The following CELF2 variants were observed in gnomAD, a reference collection of about 807,000 sequenced individuals.
The protein encoded by CELF2 is CUG triplet repeat RNA-binding protein 2.
In CELF2, 8 loss-of-function variants were observed where a neutral mutation model predicts 62.6. That is an observed-to-expected ratio of 0.13 (90% CI 0.07 to 0.23). The LOEUF (loss-of-function observed/expected upper bound fraction) is 0.23, where lower values mean the gene tolerates loss of function less well. CELF2 is among the 10% of genes least tolerant of loss of function. CELF2 has a pLI of 1.00. For missense variants in CELF2, 333 were observed against 671.0 expected (o/e 0.50, Z 5.56); for synonymous variants, 258 against 250.0 (o/e 1.03, Z -0.30).
chr10:11,191,087 G>A lies in CELF2; in HGVS notation c.271+25405G>A, dbSNP rs987817588. On this transcript the variant is annotated intron_variant, in intron 2 of 12. Coordinates refer to ENST00000633077, the MANE Select transcript of CELF2 (RefSeq NM_001326342.2). The surrounding 1 kb of genome is among the most constrained non-coding windows in gnomAD (Gnocchi z 4.1). ...TTAGGGTTTAAATCCAGTTCCCTGA[G>A]GTTGGGCAAGCTGCTGGTCCTCTCT... 7.9e-5 allele frequency among the ~76,000 whole-genome samples: 12 copies of A among 152,202 alleles called. No homozygotes were observed. The highest frequency in any genetic ancestry group is 7.2e-4 in the Admixed American group (11 of 15,286).
intron 1 of CELF2, among the ~76,000 whole-genome samples, chr10:10,904,643 G>C (rs950500990): frequency 2.0e-5 from 3 of 152,176 alleles, no homozygotes; most frequent in Non-Finnish European, 2.9e-5. Context: ...TGGGCATGCA[G>C]GTTGTTTCTG....
At position 11,159,318 on chromosome 10, in the gene CELF2, A is replaced by G. The variant is rs2065176658; in HGVS notation, c.75-6168A>G. Among the ~76,000 whole-genome samples, 1 of 152,258 alleles carries G rather than the reference A, an allele frequency of 6.6e-6. No individual in the cohort carries two copies. The highest frequency in any genetic ancestry group is 1.5e-5 in the Non-Finnish European group (1 of 68,034). ...AGCAGCCCTGGATGCCACTACAGTTAAGACATAGCTGTGTCAGAAAGGTGG... is the reference window on the plus strand; with the variant it reads ...AGCAGCCCTGGATGCCACTACAGTTGAGACATAGCTGTGTCAGAAAGGTGG... On this transcript the variant is annotated intron_variant, in intron 1 of 12. Coordinates refer to ENST00000633077, the MANE Select transcript of CELF2 (RefSeq NM_001326342.2). The surrounding 1 kb of genome is among the most constrained non-coding windows in gnomAD (Gnocchi z 5.0).
intron 1 of CELF2, among the ~76,000 whole-genome samples, chr10:11,082,711 C>A (rs1032348971): frequency 2.0e-5 from 3 of 152,172 alleles, no homozygotes; most frequent in African/African-American, 7.2e-5. Context: ...AAGTTGAAAA[C>A]CACATTCTTT....
Position 11,051,612 on chromosome 10 carries a change from C to T in CELF2, c.74+33449C>T, listed in dbSNP as rs775370666. 5.3e-5 allele frequency among the ~76,000 whole-genome samples: 8 copies of T among 152,258 alleles called. No homozygotes were observed. The South Asian group carries it at 6.2e-4, about 12-fold the overall frequency. ...ATGTGCTAAGGTTTCATAACAGATA[C>T]GGTGACTGCCTCCATGGAACTCCAA... On this transcript the variant is annotated intron_variant, in intron 1 of 12. Coordinates refer to ENST00000633077, the MANE Select transcript of CELF2 (RefSeq NM_001326342.2).
Position 11,302,799 on chromosome 10 carries a change from C to G in CELF2, c.977-11340C>G, listed in dbSNP as rs911393772. Among the ~76,000 whole-genome samples the G allele has an allele frequency of 2.6e-5, 4 of 152,186 alleles. No individual in the cohort carries two copies. The highest frequency in any genetic ancestry group is 5.9e-5 in the Non-Finnish European group (4 of 68,026). Reference sequence around the variant, plus strand: ...GGTCTCTAAATTGACATGAGATTTTCACATTGTTCCGCTGTGCTGCGGACA... The same window carrying G: ...GGTCTCTAAATTGACATGAGATTTTGACATTGTTCCGCTGTGCTGCGGACA... On this transcript the variant is annotated intron_variant, in intron 9 of 12. Coordinates refer to ENST00000633077, the MANE Select transcript of CELF2 (RefSeq NM_001326342.2). This position sits in a 1 kb window ranked among gnomAD's most constrained non-coding sequence, Gnocchi z 5.0.
In CELF2 at chr10:10,912,160, C is replaced by T. The variant is rs116922135; in HGVS notation, c.54-7804C>T. Among the ~76,000 whole-genome samples, 847 of 151,880 alleles carry T rather than the reference C, an allele frequency of 5.6e-3. 2 individuals carry two copies. The highest frequency in any genetic ancestry group is 7.0e-3 in the Non-Finnish European group (477 of 68,014). On this transcript the variant is annotated intron_variant, in intron 1 of 13. Coordinates refer to the CELF2 transcript ENST00000636488. ...TAAGAAAGGGAGGTGAGGATGGAAGCGGTTGCATTTAATGCAGTCACATAT... is the reference window on the plus strand; with the variant it reads ...TAAGAAAGGGAGGTGAGGATGGAAGTGGTTGCATTTAATGCAGTCACATAT...
At chr10:11,097,238 T>A (rs1413135780) in intron 1 of CELF2, 3 of 152,222 alleles carry the variant, frequency 2.0e-5, no homozygotes, top group Non-Finnish European at 4.4e-5. Context: ...AAAATTAAGA[T>A]AACATAGGAG....
intron 2 of CELF2, among the ~76,000 whole-genome samples, chr10:10,992,320 G>C (rs1564325411): frequency 1.3e-5 from 2 of 152,168 alleles, no homozygotes; most frequent in Admixed American, 6.5e-5. Context: ...TGGGACCCAG[G>C]TGGAAGGAAC....
Position 10,828,717 on chromosome 10 carries a change from A to C in CELF2, c.53+29900A>C, listed in dbSNP as rs560728074. On this transcript the variant is annotated intron_variant, in intron 1 of 13. Coordinates refer to the CELF2 transcript ENST00000636488. ...AATGGATTTGGTCACTCATTTATAA[A>C]ACCAATATTTATGTTCCAAACAGTA... 1.3e-3 allele frequency among the ~76,000 whole-genome samples: 195 copies of C among 152,350 alleles called. No homozygotes were observed. In the South Asian group the frequency reaches 0.018, roughly 14 times the overall value.
chr10:10,750,010 G>A, the CELF2 span, among the ~76,000 whole-genome samples: 6 of 152,262 alleles, frequency 3.9e-5, no homozygotes, highest in South Asian at 2.1e-4. Context: ...TAGGCCGGGC[G>A]AGGCGGCTCA....
rs973705210 is a variant in CELF2, at chr10:11,324,841, T to C, written c.1295-995T>C. Among the ~76,000 whole-genome samples, 1 of 152,128 alleles carries C rather than the reference T, an allele frequency of 6.6e-6. No homozygotes were observed. Among genetic ancestry groups the C allele is most frequent in the African/African-American group, 2.4e-5 (1 of 41,406 alleles). ...AGTTGGGCAGGCAGGCCTGTTCCTC[T>C]CCTGTGAAGGCCAGTTGAGGATTCC... On this transcript the variant is annotated intron_variant, in intron 11 of 12. Transcript: ENST00000633077. The surrounding 1 kb of genome is among the most constrained non-coding windows in gnomAD (Gnocchi z 4.7).
chr10:10,514,566 G>T, the CELF2 span, among the ~76,000 whole-genome samples: 5 of 152,228 alleles, frequency 3.3e-5, no homozygotes, highest in African/African-American at 1.2e-4. Flanking sequence ...AGGGCTTTGA[G>T]CCCTGGCCGA....
Position 11,329,153 on chromosome 10 carries a change from C to A in CELF2, c.*100C>A. 8.1e-7 allele frequency: 1 copy of A among 1,237,522 alleles called. No individual in the cohort carries two copies. The highest frequency in any genetic ancestry group is 1.5e-5 in the African/African-American group (1 of 65,504). 76.7% of individuals were successfully genotyped at this position (1,237,522 alleles called of 1,614,324 possible). A position where few individuals can be genotyped will look rare whatever the true frequency, so the allele number is the denominator to read the frequency against. On this transcript the variant is annotated 3_prime_UTR_variant, in exon 13 of 13. Transcript: ENST00000633077. The surrounding 1 kb of genome is among the most constrained non-coding windows in gnomAD (Gnocchi z 5.5). ...GGGAAGGCAGAGGAGGACCACATTG[C>A]CAACTTTTACCAAGAGAGACGGTTA...
the CELF2 span, among the ~76,000 whole-genome samples, chr10:10,509,643 A>C: frequency 6.6e-6 from 1 of 152,352 alleles, no homozygotes; most frequent in African/African-American, 2.4e-5. Context: ...AATAAATCCC[A>C]GCCTGCCCCA....
upstream of CELF2, among the ~76,000 whole-genome samples, chr10:11,013,730 T>C (rs1356988257): frequency 1.3e-5 from 2 of 152,230 alleles, no homozygotes; most frequent in South Asian, 2.1e-4. The surrounding 1 kb of genome is among the most constrained non-coding windows in gnomAD (Gnocchi z 4.1). Context: ...AATGTGATAA[T>C]GTCACTGTTC....
At chr10:11,278,465 A>G (rs2086961412) in intron 8 of CELF2, among the ~76,000 whole-genome samples, 1 of 152,230 alleles carries the variant, frequency 6.6e-6, no homozygotes, top group African/African-American at 2.4e-5. Flanking sequence ...CAGAAATCTC[A>G]GAAACTTGGG....
upstream of CELF2, among the ~76,000 whole-genome samples, chr10:11,001,449 G>A (rs1300445581): frequency 6.6e-6 from 1 of 152,080 alleles, no homozygotes; most frequent in Non-Finnish European, 1.5e-5. Flanking sequence ...GCAAAGACAA[G>A]ACACAGAAAG....
chr10:11,130,028 C>G (rs2059376084), intron 1 of CELF2, among the ~76,000 whole-genome samples: 1 of 152,218 alleles, frequency 6.6e-6, no homozygotes, highest in Non-Finnish European at 1.5e-5. Context: ...AAATTTCCCT[C>G]TACACACTGC....
At chr10:10,981,806 G>A (rs1237772266) in intron 2 of CELF2, among the ~76,000 whole-genome samples, 1 of 152,078 alleles carries the variant, frequency 6.6e-6, no homozygotes, top group Non-Finnish European at 1.5e-5. Context: ...CAATTAGGCA[G>A]GTAAAATAAT....
Sources: gnomAD v4.1 joint callset for allele counts (sites outside exome capture counted in the v4.1 genomes callset) on GRCh38, gnomAD v4.1.1 for gene constraint, Gnocchi (gnomAD v3.1) non-coding constraint, MANE v1.5 for transcripts, NCBI Gene and HGNC (gene_info 2026-07-23, HGNC 2026-07-21) for gene names.